Variants in SEPTIN9 observed in about 807,000 individuals in gnomAD.
SEPTIN9 encodes the protein septin-9.
A neutral mutation model predicts 56.6 loss-of-function variants in SEPTIN9; 13 were observed. The ratio of observed to expected loss-of-function variants is 0.23; its 90% CI spans 0.15 to 0.37. SEPTIN9 has a LOEUF of 0.37. SEPTIN9 is among the 10% of genes least tolerant of loss of function. The pLI is 1.00. For synonymous variants in SEPTIN9, 332 were observed against 334.1 expected (o/e 0.99, Z 0.07); for missense variants, 650 against 823.1 (o/e 0.79, Z 2.57).
At chr17:77,471,452 AC>A (rs2038994365) in intron 3 of SEPTIN9, among the ~76,000 whole-genome samples, 3 of 152,170 alleles carry the variant, frequency 2.0e-5, no homozygotes, top group Non-Finnish European at 4.4e-5. Context: ...CACCCCAGAG[AC>A]CCTTGTCTAA....
chr17:77,347,527 C>A (rs1324815618), intron 2 of SEPTIN9, among the ~76,000 whole-genome samples: 1 of 151,928 alleles, frequency 6.6e-6, no homozygotes, highest in African/African-American at 2.4e-5. Flanking sequence ...ATGAACTGAT[C>A]ATTTAACCAT....
chr17:77,451,468 A>G lies in SEPTIN9; in HGVS notation c.722-30676A>G. Reference sequence around the variant, plus strand: ...CCTCTGCTCGGCTCTGAGCCATGTGACCCGGTGGGCGGGCCGCGGCTCTCG... The same window carrying G: ...CCTCTGCTCGGCTCTGAGCCATGTGGCCCGGTGGGCGGGCCGCGGCTCTCG... On this transcript the variant is annotated intron_variant, in intron 3 of 11. Transcript: ENST00000427177. This position sits in a 1 kb window ranked among gnomAD's most constrained non-coding sequence, Gnocchi z 4.2. 1 of 985,648 alleles carries G rather than the reference A, an allele frequency of 1.0e-6. No individual in the cohort carries two copies. Among genetic ancestry groups the G allele is most frequent in the East Asian group, 1.1e-4 (1 of 8,792 alleles). 61.1% of individuals were successfully genotyped at this position (985,648 alleles called of 1,614,324 possible). A position where few individuals can be genotyped will look rare whatever the true frequency, so the allele number is the denominator to read the frequency against.
intron 3 of SEPTIN9, among the ~76,000 whole-genome samples, chr17:77,479,804 G>A (rs955341136): frequency 6.6e-6 from 1 of 152,044 alleles, no homozygotes; most frequent in Admixed American, 6.5e-5. Context: ...GTAGGGGCTG[G>A]TCCCAGTCCC....
chr17:77,497,149 G>T, intron 10 of SEPTIN9, 166 bp from the exon 11 acceptor site: 1 of 711,530 alleles, frequency 1.4e-6, no homozygotes, highest in Non-Finnish European at 2.6e-6. Flanking sequence ...AGTGCCAGGT[G>T]TCCTATACTC....
chr17:77,487,372 C>A lies in SEPTIN9; in HGVS notation c.914-52C>A. On this transcript the variant is annotated intron_variant, in intron 4 of 11. Coordinates refer to ENST00000427177, the MANE Select transcript of SEPTIN9 (RefSeq NM_001113491.2). This position sits in a 1 kb window ranked among gnomAD's most constrained non-coding sequence, Gnocchi z 4.3. ...GGTGGGAGGGGCCCCATGTGCAGAC[C>A]CTGCTGGTCTCTCCGGAGAGACCCC... The A allele has an allele frequency of 6.4e-7, 1 of 1,558,556 alleles. No homozygotes were observed.
At chr17:77,341,280 G>C (rs561852301) in intron 2 of SEPTIN9, among the ~76,000 whole-genome samples, 1 of 152,244 alleles carries the variant, frequency 6.6e-6, no homozygotes, top group South Asian at 2.1e-4. Context: ...TGAACACTTA[G>C]AGGCCATTGT....
At position 77,453,202 on chromosome 17, in the gene SEPTIN9, A is replaced by G. The variant is rs889033541; in HGVS notation, c.722-28942A>G. ...GGGGGGTGGCGTGGGGCACTCTGGGATGAGAAGATGCGACTTCTGCCCTGA... is the reference window on the plus strand; with the variant it reads ...GGGGGGTGGCGTGGGGCACTCTGGGGTGAGAAGATGCGACTTCTGCCCTGA... On this transcript the variant is annotated intron_variant, in intron 3 of 11. Coordinates refer to ENST00000427177, the MANE Select transcript of SEPTIN9 (RefSeq NM_001113491.2). The surrounding 1 kb of genome is among the most constrained non-coding windows in gnomAD (Gnocchi z 4.4). Among the ~76,000 whole-genome samples, 1 of 152,036 alleles carries G rather than the reference A, an allele frequency of 6.6e-6. No homozygotes were observed. Among genetic ancestry groups the G allele is most frequent in the Non-Finnish European group, 1.5e-5 (1 of 68,000 alleles).
At chr17:77,392,198 G>A (rs1053359623) in intron 2 of SEPTIN9, among the ~76,000 whole-genome samples, 1 of 152,180 alleles carries the variant, frequency 6.6e-6, no homozygotes, top group African/African-American at 2.4e-5. Flanking sequence ...CAGGCCTCTT[G>A]GGTGGGGCTG....
Position 77,329,790 on chromosome 17 carries a change from C to T in SEPTIN9, c.76+22593C>T, listed in dbSNP as rs1329011897. 6.6e-6 allele frequency among the ~76,000 whole-genome samples: 1 copy of T among 152,242 alleles called. No individual in the cohort carries two copies. The highest frequency in any genetic ancestry group is 1.5e-5 in the Non-Finnish European group (1 of 68,034). On this transcript the variant is annotated intron_variant, in intron 2 of 11. Transcript: ENST00000427177. The surrounding 1 kb of genome is among the most constrained non-coding windows in gnomAD (Gnocchi z 4.3). Reference sequence around the variant, plus strand: ...CGGGGCAAGGTTCAGATATCCAGAACATTCTTGGCTGGCTCTTGGAGCTGG... The same window carrying T: ...CGGGGCAAGGTTCAGATATCCAGAATATTCTTGGCTGGCTCTTGGAGCTGG...
rs2035456198 is a variant in SEPTIN9, at chr17:77,389,480, C to A, written c.77-12579C>A. The stretch of plus-strand genomic sequence containing the variant: ...TCATTTTGGGGGACTCCGTACTTAA[C>A]CTTTGAGGCCCTCAGAGCTGCAGCC... On this transcript the variant is annotated intron_variant, in intron 2 of 11. Transcript: ENST00000427177. The surrounding 1 kb of genome is among the most constrained non-coding windows in gnomAD (Gnocchi z 4.3). Among the ~76,000 whole-genome samples the A allele has an allele frequency of 1.3e-5, 2 of 152,134 alleles. No homozygotes were observed. Among genetic ancestry groups the A allele is most frequent in the South Asian group, 4.1e-4 (2 of 4,828 alleles).
intron 3 of SEPTIN9, among the ~76,000 whole-genome samples, chr17:77,412,623 G>C (rs1274971754): frequency 2.0e-5 from 3 of 152,114 alleles, no homozygotes; most frequent in Non-Finnish European, 4.4e-5. Flanking sequence ...CTACTCGGGA[G>C]GCTGATGTGG....
chr17:77,428,409 G>A (rs1598358314), intron 3 of SEPTIN9, among the ~76,000 whole-genome samples: 2 of 152,308 alleles, frequency 1.3e-5, no homozygotes, highest in South Asian at 4.1e-4. Flanking sequence ...TGTACCTACT[G>A]GCAGATCAGC....
intron 2 of SEPTIN9, among the ~76,000 whole-genome samples, chr17:77,331,551 G>T (rs1234791546): frequency 6.6e-6 from 1 of 152,238 alleles, no homozygotes; most frequent in African/African-American, 2.4e-5. Context: ...CGAGGAAGGG[G>T]AGAGGAACTC....
chr17:77,373,448 G>C, intron 2 of SEPTIN9: 1 of 1,486,976 alleles, frequency 6.7e-7, no homozygotes, highest in Non-Finnish European at 9.0e-7. Context: ...CCCCGCCGGG[G>C]GCGCTTCCTC....
chr17:77,388,434 A>G (rs1425856288), intron 2 of SEPTIN9, among the ~76,000 whole-genome samples: 1 of 152,076 alleles, frequency 6.6e-6, no homozygotes, highest in African/African-American at 2.4e-5. Context: ...GAGAATGGAG[A>G]CCAGGTCCTC....
intron 3 of SEPTIN9, among the ~76,000 whole-genome samples, chr17:77,468,853 G>A (rs1449288790): frequency 6.6e-6 from 1 of 152,238 alleles, no homozygotes; most frequent in Non-Finnish European, 1.5e-5. Flanking sequence ...ATTGATGAGA[G>A]TTTGGGATGG....
At chr17:77,455,340 G>A (rs752222475) in intron 3 of SEPTIN9, among the ~76,000 whole-genome samples, 4 of 152,158 alleles carry the variant, frequency 2.6e-5, no homozygotes, top group Non-Finnish European at 4.4e-5. Context: ...TCTCTGTCCC[G>A]TCGAGCCTGG....
intron 3 of SEPTIN9, among the ~76,000 whole-genome samples, chr17:77,448,746 C>T (rs1434228479): frequency 6.6e-6 from 1 of 151,882 alleles, no homozygotes; most frequent in East Asian, 1.9e-4. Flanking sequence ...ATTAATATCA[C>T]CTGTTCTTAC....
At chr17:77,381,454 G>C (rs2035139224) in intron 2 of SEPTIN9, among the ~76,000 whole-genome samples, 1 of 151,926 alleles carries the variant, frequency 6.6e-6, no homozygotes, top group African/African-American at 2.4e-5. Flanking sequence ...GGGACCCTTG[G>C]CCCCGCTTTC....
Sources: gnomAD v4.1 joint callset for allele counts (sites outside exome capture counted in the v4.1 genomes callset) on GRCh38, gnomAD v4.1.1 for gene constraint, Gnocchi (gnomAD v3.1) non-coding constraint, MANE v1.5 for transcripts, NCBI Gene and HGNC (gene_info 2026-07-23, HGNC 2026-07-21) for gene names.